Variants in PHACTR1 observed in about 807,000 individuals in gnomAD.
PHACTR1 encodes phosphatase and actin regulator 1.
In PHACTR1, 16 loss-of-function variants were observed where a neutral mutation model predicts 69.2. The ratio of observed to expected loss-of-function variants is 0.23; its 90% confidence interval spans 0.16 to 0.35. The LOEUF (loss-of-function observed/expected upper bound fraction) is 0.35, where lower values mean the gene tolerates loss of function less well. Among genes scored for constraint, PHACTR1 ranks in the 10% least tolerant of loss-of-function variants. The pLI is 1.00. For synonymous variants in PHACTR1, 312 were observed against 284.5 expected (o/e 1.10, Z -0.97); for missense variants, 510 against 734.7 (o/e 0.69, Z 3.54).
intron 5 of PHACTR1, among the ~76,000 whole-genome samples, chr6:13,156,899 T>A (rs1348810224): frequency 6.6e-6 from 1 of 152,204 alleles, no homozygotes. Flanking sequence ...CTTTTGTCAC[T>A]GTCAACAGCA....
rs75315669 is a variant in PHACTR1, at chr6:12,845,533, A to T, written c.250+95743A>T. 1.1e-3 allele frequency among the ~76,000 whole-genome samples: 158 copies of T among 148,646 alleles called. No individual in the cohort carries two copies. The East Asian group carries it at 0.014, about 13-fold the overall frequency. ...GCACGGCAGGTATTTCCCCTCAGGG[A>T]TTACTGTTTCTGTTCAGCACCGAGA... On this transcript the variant is annotated intron_variant, in intron 4 of 14. Transcript: ENST00000332995.
intron 4 of PHACTR1, among the ~76,000 whole-genome samples, chr6:12,976,201 G>A (rs969135568): frequency 3.9e-5 from 6 of 152,162 alleles, no homozygotes; most frequent in South Asian, 4.1e-4. Context: ...CAGGATTGCC[G>A]ACTTTTAGAT....
intron 5 of PHACTR1, among the ~76,000 whole-genome samples, chr6:13,149,780 C>G (rs1243587990): frequency 6.6e-6 from 1 of 151,966 alleles, no homozygotes; most frequent in African/African-American, 2.4e-5. Context: ...TGAATGCAGT[C>G]CAACACAAAT....
intron 5 of PHACTR1, among the ~76,000 whole-genome samples, chr6:13,097,359 C>T (rs1814432933): frequency 6.6e-6 from 1 of 152,134 alleles, no homozygotes; most frequent in Admixed American, 6.5e-5. Context: ...CCCCTCTTCA[C>T]CTCCTGCCCC....
At chr6:12,796,823 T>A (rs4714870) in intron 4 of PHACTR1, among the ~76,000 whole-genome samples, 1 of 152,132 alleles carries the variant, frequency 6.6e-6, no homozygotes, top group African/African-American at 2.4e-5. Context: ...CCGGAGGAAG[T>A]GCTGGACACT....
intron 4 of PHACTR1, among the ~76,000 whole-genome samples, chr6:12,813,287 C>A (rs1304930405): frequency 6.6e-6 from 1 of 152,076 alleles, no homozygotes; most frequent in Non-Finnish European, 1.5e-5. Flanking sequence ...TTCTGAGAGC[C>A]CTTTTAGAGT....
intron 4 of PHACTR1, among the ~76,000 whole-genome samples, chr6:12,955,254 A>G (rs540213918): frequency 5.9e-5 from 8 of 134,590 alleles, no homozygotes; most frequent in Non-Finnish European, 1.1e-4. Context: ...GCTGGAGTGC[A>G]GTAGTACAGT....
intron 5 of PHACTR1, among the ~76,000 whole-genome samples, chr6:13,112,746 T>G (rs1817233361): frequency 6.6e-6 from 1 of 152,202 alleles, no homozygotes; most frequent in South Asian, 2.1e-4. Flanking sequence ...TCTTGTAAAT[T>G]TAAGTTTCTT....
chr6:13,084,057 A>G (rs1432169357), intron 5 of PHACTR1, among the ~76,000 whole-genome samples: 5 of 152,126 alleles, frequency 3.3e-5, no homozygotes, highest in African/African-American at 4.8e-5. Flanking sequence ...TCATGCTGCT[A>G]TAAAGACACA....
intron 5 of PHACTR1, among the ~76,000 whole-genome samples, chr6:13,080,803 A>G (rs1012494417): frequency 2.0e-5 from 3 of 152,198 alleles, no homozygotes; most frequent in East Asian, 3.8e-4. Context: ...ATTAAGTACT[A>G]CAGTAATGAT....
At chr6:13,039,490 T>G (rs542052519) in intron 4 of PHACTR1, among the ~76,000 whole-genome samples, 1 of 152,204 alleles carries the variant, frequency 6.6e-6, no homozygotes, top group African/African-American at 2.4e-5. Flanking sequence ...AGATTGATAT[T>G]TGATTAGCTC....
At chr6:13,047,377 C>CAAAAAAA (rs35293642) in intron 4 of PHACTR1, among the ~76,000 whole-genome samples, 1 of 54,792 alleles carries the variant, frequency 1.8e-5, no homozygotes, top group Non-Finnish European at 3.8e-5. Flanking sequence ...AACCCTGTCT[C>CAAAAAAA]AAAAAAAAAA....
intron 5 of PHACTR1, among the ~76,000 whole-genome samples, chr6:13,075,883 A>G (rs115265310): frequency 5.5e-4 from 83 of 152,266 alleles, no homozygotes; most frequent in African/African-American, 1.9e-3. Context: ...CTGTAAGTCA[A>G]GCTAGATCCA....
intron 4 of PHACTR1, among the ~76,000 whole-genome samples, chr6:12,812,523 A>G (rs527373931): frequency 1.3e-5 from 2 of 152,344 alleles, no homozygotes; most frequent in Admixed American, 6.5e-5. Context: ...TATAAAGCAA[A>G]TAAACCACCC....
intron 4 of PHACTR1, among the ~76,000 whole-genome samples, chr6:12,956,253 T>A (rs989595506): frequency 6.6e-6 from 1 of 152,270 alleles, no homozygotes; most frequent in Admixed American, 6.5e-5. Context: ...AGATAGTTCA[T>A]CTGCGCTTTG....
At chr6:12,880,907 G>A (rs947980164) in intron 4 of PHACTR1, among the ~76,000 whole-genome samples, 2 of 152,144 alleles carry the variant, frequency 1.3e-5, no homozygotes, top group Admixed American at 6.5e-5. Flanking sequence ...TTGATTATCA[G>A]GCTGTGAAAT....
intron 4 of PHACTR1, among the ~76,000 whole-genome samples, chr6:12,861,627 T>C (rs1194345648): frequency 6.6e-6 from 1 of 152,202 alleles, no homozygotes; most frequent in East Asian, 1.9e-4. Flanking sequence ...GCAGTGGTCT[T>C]CTTTGTTTTA....
intron 4 of PHACTR1, among the ~76,000 whole-genome samples, chr6:12,775,406 A>G (rs560626541): frequency 6.6e-6 from 1 of 152,330 alleles, no homozygotes; most frequent in African/African-American, 2.4e-5. Flanking sequence ...TATAGTAAAT[A>G]CAGTATGAGA....
intron 4 of PHACTR1, among the ~76,000 whole-genome samples, chr6:12,817,859 T>C (rs1775763491): frequency 6.6e-6 from 1 of 151,514 alleles, no homozygotes; most frequent in South Asian, 2.1e-4. Context: ...AGTCTTGCAC[T>C]GTCGCCCAGC....
Sources: allele counts gnomAD v4.1 joint callset (sites outside exome capture counted in the v4.1 genomes callset), GRCh38; gene constraint gnomAD v4.1.1; transcripts MANE v1.5; gene names NCBI Gene and HGNC (gene_info 2026-07-23, HGNC 2026-07-21).